Variants in IL1RAPL2 observed in about 807,000 individuals in gnomAD.
The protein encoded by IL1RAPL2 is interleukin 1 receptor accessory protein like 2.
IL1RAPL2 carries 3 observed loss-of-function variants against 44.1 expected under a neutral mutation model. That is an observed-to-expected ratio of 0.07 (90% CI 0.03 to 0.18). IL1RAPL2 has a LOEUF of 0.18. Ranked by LOEUF, IL1RAPL2 falls within the 10% of genes least tolerant of loss-of-function variation. The pLI, the probability that IL1RAPL2 is intolerant of heterozygous loss-of-function variation, is 1.00. For missense variants in IL1RAPL2, 391 were observed against 496.4 expected (o/e 0.79, Z 2.02); for synonymous variants, 181 against 178.8 (o/e 1.01, Z -0.10).
In IL1RAPL2 at chrX:105,346,858, G is replaced by T. The variant is rs763117064; in HGVS notation, c.697+79317G>T. Among the ~76,000 whole-genome samples the T allele has an allele frequency of 6.2e-5, 7 of 112,111 alleles. No individual in the cohort carries two copies. The East Asian group carries it at 1.1e-3, about 18-fold the overall frequency. On this transcript the variant is annotated intron_variant, in intron 5 of 10. Transcript: ENST00000372582. ...TTTAGCATTGAGAAAAATAGTAAAT[G>T]TAGCTATTTTTTTCTCCAGGTAGAA...
chrX:105,457,567 A>G (rs775168534), intron 5 of IL1RAPL2, among the ~76,000 whole-genome samples: 1 of 110,315 alleles, frequency 9.1e-6, no homozygotes, highest in Non-Finnish European at 1.9e-5. Context: ...ATCATGTTAT[A>G]GCATATATAA....
At position 105,094,587 on chromosome X, in the gene IL1RAPL2, A is replaced by G. The variant is rs1249331423; in HGVS notation, c.83-100888A>G. 1.8e-5 allele frequency among the ~76,000 whole-genome samples: 2 copies of G among 111,381 alleles called. 1 individual carries two copies. Among genetic ancestry groups the G allele is most frequent in the Admixed American group, 1.9e-4 (2 of 10,445 alleles). On this transcript the variant is annotated intron_variant, in intron 2 of 10. Coordinates refer to ENST00000372582, the MANE Select transcript of IL1RAPL2 (RefSeq NM_017416.2). ...CCAGTATTGCACTGTTCTGATTACTATAGCTTTGTAAGTTGTGAAATCAAG... is the reference window on the plus strand; with the variant it reads ...CCAGTATTGCACTGTTCTGATTACTGTAGCTTTGTAAGTTGTGAAATCAAG...
At chrX:105,469,171 T>C (rs2036149939) in intron 5 of IL1RAPL2, among the ~76,000 whole-genome samples, 1 of 111,596 alleles carries the variant, frequency 9.0e-6, no homozygotes, top group Non-Finnish European at 1.9e-5. Flanking sequence ...TATTGTACCA[T>C]ATCTAAGAAA....
intron 6 of IL1RAPL2, among the ~76,000 whole-genome samples, chrX:105,590,749 GATTCAGTTTCCTTGTTGA>G (rs1027893945): frequency 9.1e-6 from 1 of 109,462 alleles, no homozygotes; most frequent in African/African-American, 3.3e-5. Flanking sequence ...TGCTATACTG[GATTCAGTTTCCTTGTTGA>G]AAATGTTTGC....
intron 2 of IL1RAPL2, among the ~76,000 whole-genome samples, chrX:105,175,931 C>T (rs1359879151): frequency 9.1e-6 from 1 of 110,294 alleles, no homozygotes; most frequent in East Asian, 2.8e-4. Context: ...ATGGTATGAC[C>T]ATTTAGTTAT....
chrX:105,380,114 A>C (rs2035418583), intron 5 of IL1RAPL2, among the ~76,000 whole-genome samples: 1 of 112,230 alleles, frequency 8.9e-6, no homozygotes. Flanking sequence ...CTGAAATTAT[A>C]TCAACTCATT....
intron 2 of IL1RAPL2, among the ~76,000 whole-genome samples, chrX:105,053,021 T>G (rs73520237): frequency 0.065 from 7,215 of 110,210 alleles, 664 homozygotes; most frequent in African/African-American, 0.23. Flanking sequence ...ATGGCTAGAA[T>G]AATCAGTTGG....
intron 2 of IL1RAPL2, among the ~76,000 whole-genome samples, chrX:105,130,279 C>G (rs940561485): frequency 4.5e-5 from 5 of 111,004 alleles, no homozygotes; most frequent in African/African-American, 1.6e-4. Context: ...ATTTTCAGAC[C>G]TCACTCAAGA....
At chrX:105,543,014 A>G (rs1315646669) in intron 6 of IL1RAPL2, among the ~76,000 whole-genome samples, 1 of 111,258 alleles carries the variant, frequency 9.0e-6, no homozygotes, top group Admixed American at 9.6e-5. Context: ...CATAACTACC[A>G]CTGTTTAATG....
intron 5 of IL1RAPL2, among the ~76,000 whole-genome samples, chrX:105,430,622 A>G (rs765550850): frequency 9.0e-6 from 1 of 111,419 alleles, no homozygotes; most frequent in African/African-American, 3.3e-5. Flanking sequence ...ATACCCTGAG[A>G]TCATTCGAGA....
intron 2 of IL1RAPL2, among the ~76,000 whole-genome samples, chrX:104,973,857 C>T (rs2030282520): frequency 9.0e-6 from 1 of 111,637 alleles, no homozygotes; most frequent in Non-Finnish European, 1.9e-5. Flanking sequence ...ATAGAGAATC[C>T]TTTTGATGCA....
At chrX:104,649,203 T>C (rs1045138712) in intron 1 of IL1RAPL2, among the ~76,000 whole-genome samples, 1 of 111,711 alleles carries the variant, frequency 9.0e-6, no homozygotes, top group African/African-American at 3.3e-5. Flanking sequence ...TCAGTCTCTG[T>C]GTCTCTTTAT....
intron 5 of IL1RAPL2, chrX:105,407,034 A>G (rs2035650704): frequency 1.1e-6 from 1 of 909,867 alleles, no homozygotes; most frequent in Admixed American, 2.2e-5. Flanking sequence ...ACATGTCACA[A>G]AGTGTCAGAT....
In IL1RAPL2 at chrX:105,766,996, C is replaced by G. The variant is rs1349580384; in HGVS notation, c.1396C>G (p.Gln466Glu). ...YMEDLTRYVE[Q>E]SRRLIIVLTP... The stretch of plus-strand genomic sequence containing the variant: ...GGAAGATCTCACAAGATATGTTGAA[C>G]AAAGCAGAAGACTTATTATCGTGCT... Residue 466 changes from glutamine to glutamate, a missense_variant, in exon 11 of 11, where the codon CAA becomes GAA. Gln to Glu is a conservative substitution (Grantham distance 29). This residue lies in a region of IL1RAPL2 where 232 missense variants were observed against 244.8 expected (regional missense o/e 0.95). Transcript: ENST00000372582. 4 of 1,204,358 alleles carry G rather than the reference C, an allele frequency of 3.3e-6. No homozygotes were observed. The highest frequency in any genetic ancestry group is 4.5e-6 in the Non-Finnish European group (4 of 891,297).
intron 6 of IL1RAPL2, among the ~76,000 whole-genome samples, chrX:105,582,857 A>T (rs1172712260): frequency 9.0e-6 from 1 of 111,086 alleles, no homozygotes; most frequent in Non-Finnish European, 1.9e-5. Context: ...ATGAGATATC[A>T]TTTTAATACA....
chrX:105,033,585 T>A (rs141880527), intron 2 of IL1RAPL2, among the ~76,000 whole-genome samples: 7,057 of 110,623 alleles, frequency 0.064, 582 homozygotes, highest in African/African-American at 0.22. Flanking sequence ...GTTTCTGCAG[T>A]GCGATCAGCC....
At chrX:104,628,849 T>G (rs1038130240) in intron 1 of IL1RAPL2, among the ~76,000 whole-genome samples, 9 of 112,242 alleles carry the variant, frequency 8.0e-5, no homozygotes, top group Non-Finnish European at 1.7e-4. Context: ...TGCATAAAAA[T>G]ATGTGCACAT....
intron 2 of IL1RAPL2, among the ~76,000 whole-genome samples, chrX:104,851,603 A>G (rs1173112707): frequency 8.9e-6 from 1 of 112,037 alleles, no homozygotes; most frequent in Non-Finnish European, 1.9e-5. Flanking sequence ...CAAAGGACTC[A>G]GTCATTGCTG....
chrX:105,360,805 G>A (rs1191310005), intron 5 of IL1RAPL2, among the ~76,000 whole-genome samples: 1 of 111,105 alleles, frequency 9.0e-6, no homozygotes, highest in East Asian at 2.8e-4. Flanking sequence ...ACTCACCAGT[G>A]ATATAAAAGA....
Sources: gnomAD v4.1 joint callset for allele counts (sites outside exome capture counted in the v4.1 genomes callset) on GRCh38, gnomAD v4.1.1 for gene constraint, gnomAD v4.1.1 regional missense constraint, MANE v1.5 for transcripts, NCBI Gene and HGNC (gene_info 2026-07-23, HGNC 2026-07-21) for gene names.